The following STX17 variants were observed in gnomAD, a reference collection of about 807,000 sequenced individuals.
STX17 encodes the protein syntaxin 17, also known as syntaxin-17.
In STX17, 29 loss-of-function variants were observed where a neutral mutation model predicts 35.9. That is an observed-to-expected ratio of 0.81 (90% CI 0.60 to 1.10). STX17 has a LOEUF of 1.10. Among genes scored for constraint, STX17 ranks in the 50% least tolerant of loss-of-function variants. The probability of loss-of-function intolerance (pLI) is 0.00; values close to 1 mark genes in which losing one functional copy is unlikely to be tolerated. For missense variants in STX17, 312 were observed against 352.3 expected (o/e 0.89, Z 0.92); for synonymous variants, 92 against 118.3 (o/e 0.78, Z 1.44).
At position 99,967,713 on chromosome 9, in the gene STX17, G is replaced by A. The variant is rs760885824; in HGVS notation, c.643G>A (p.Glu215Lys). The change falls in exon 7 of 8, where the codon GAA (glutamate) becomes AAA (lysine). Residue 215 changes from glutamate (E) to lysine (K), a missense_variant. By Grantham distance (56) the Glu-to-Lys change is moderately conservative. Transcript: ENST00000259400. ...TGTCAACAGTGCTGCTGTGAATGTT[G>A]AAGAGGGAACCAAAAACTTAGGGAA... is the stretch of plus-strand genomic sequence containing the variant. ...DHVNSAAVNV[E>K]EGTKNLGKAA... is the part of the protein sequence containing the mutation. The A allele has an allele frequency of 1.2e-6, 2 of 1,613,886 alleles. No homozygotes were observed. Among genetic ancestry groups the A allele is most frequent in the East Asian group, 2.2e-5 (1 of 44,856 alleles).
At chr9:99,952,215 C>T (rs748489933) in intron 4 of STX17, among the ~76,000 whole-genome samples, 29 of 152,088 alleles carry the variant, frequency 1.9e-4, no homozygotes, top group Non-Finnish European at 3.2e-4. Flanking sequence ...AAAAAGTGGG[C>T]GAAGAGCATG....
chr9:99,916,399 A>G (rs1198683665), intron 2 of STX17, among the ~76,000 whole-genome samples: 18 of 83,332 alleles, frequency 2.2e-4, no homozygotes, highest in Admixed American at 1.0e-3. Flanking sequence ...CCATTTATTT[A>G]TTTATTTATT....
intron 1 of STX17, among the ~76,000 whole-genome samples, chr9:99,910,772 GTATT>G (rs1203936822): frequency 2.0e-5 from 3 of 152,096 alleles, no homozygotes; most frequent in African/African-American, 4.8e-5. Flanking sequence ...CATGAATAAT[GTATT>G]CCTTCTATCT....
At chr9:99,909,118 A>C (rs1200034072) in intron 1 of STX17, among the ~76,000 whole-genome samples, 1 of 152,264 alleles carries the variant, frequency 6.6e-6, no homozygotes, top group Non-Finnish European at 1.5e-5. Context: ...ACATTTACTA[A>C]ATAGAGTACA....
chr9:99,937,214 G>A (rs1415437291), intron 3 of STX17, among the ~76,000 whole-genome samples: 3 of 152,020 alleles, frequency 2.0e-5, no homozygotes, highest in Non-Finnish European at 4.4e-5. Context: ...TGGGCACTTT[G>A]ATTATGATAG....
intron 3 of STX17, among the ~76,000 whole-genome samples, chr9:99,939,644 T>G (rs759646581): frequency 6.6e-6 from 1 of 152,216 alleles, no homozygotes; most frequent in Non-Finnish European, 1.5e-5. Flanking sequence ...CTCAGTCTTT[T>G]CCCAATCTGT....
rs1829395081 is a variant in STX17, at chr9:99,942,876, C to A, written c.190-8184C>A. 3.3e-5 allele frequency among the ~76,000 whole-genome samples: 5 copies of A among 152,044 alleles called. No individual in the cohort carries two copies. The South Asian group carries it at 1.0e-3, about 31-fold the overall frequency. On this transcript the variant is annotated intron_variant, in intron 3 of 7. Coordinates refer to ENST00000259400, the MANE Select transcript of STX17 (RefSeq NM_017919.3). ...TTTGGGTTGTTTCTGGGCTGTTTCA[C>A]TGTGTATTTGTCTTTTCTTGCACTA...
At chr9:99,911,105 G>A (rs1162616574) in intron 1 of STX17, among the ~76,000 whole-genome samples, 1 of 151,808 alleles carries the variant, frequency 6.6e-6, no homozygotes, top group African/African-American at 2.4e-5. Context: ...GTGAGATCTG[G>A]GTTCACCGCA....
intron 1 of STX17, among the ~76,000 whole-genome samples, chr9:99,909,387 G>A (rs947841079): frequency 4.6e-5 from 7 of 152,192 alleles, no homozygotes; most frequent in South Asian, 2.1e-4. Flanking sequence ...TAGAAGGGAC[G>A]TGTGAAGAAA....
intron 3 of STX17, among the ~76,000 whole-genome samples, chr9:99,934,712 G>C (rs1230922863): frequency 6.6e-6 from 1 of 152,094 alleles, no homozygotes; most frequent in Non-Finnish European, 1.5e-5. Context: ...GATACCAAAT[G>C]TTTTCTGCTG....
At chr9:99,968,378 C>T (rs1239915885) in intron 7 of STX17, 56 bp from the exon 8 acceptor site, 6 of 1,511,690 alleles carry the variant, frequency 4.0e-6, no homozygotes, top group Non-Finnish European at 4.4e-6. Context: ...ACGCACATCA[C>T]CACAGGCAGA....
chr9:99,964,526 A>G lies in STX17; in HGVS notation c.583-3127A>G, dbSNP rs572171333. Among the ~76,000 whole-genome samples, 4 of 152,322 alleles carry G rather than the reference A, an allele frequency of 2.6e-5. No individual in the cohort carries two copies. In the South Asian group the frequency reaches 8.3e-4, roughly 32 times the overall value. On this transcript the variant is annotated intron_variant, in intron 6 of 7. Transcript: ENST00000259400. ...ATTGTTAAAGGAATGCTGAGAACATATATGGGGTGCCAAACTATAAAATGG... is the reference window on the plus strand; with the variant it reads ...ATTGTTAAAGGAATGCTGAGAACATGTATGGGGTGCCAAACTATAAAATGG...
intron 1 of STX17, among the ~76,000 whole-genome samples, chr9:99,912,078 T>C (rs1828677226): frequency 6.6e-6 from 1 of 152,138 alleles, no homozygotes; most frequent in Admixed American, 6.5e-5. Flanking sequence ...AACAAAAAAT[T>C]AGCTGGGCGT....
chr9:99,938,943 G>A (rs1459772804), intron 3 of STX17, among the ~76,000 whole-genome samples: 1 of 152,118 alleles, frequency 6.6e-6, no homozygotes, highest in Admixed American at 6.5e-5. Context: ...TAGAGATTCT[G>A]ATTCAGTAGA....
chr9:99,968,795 G>A lies in STX17; in HGVS notation c.*122G>A. 3.5e-6 allele frequency: 5 copies of A among 1,430,244 alleles called. No homozygotes were observed. The highest frequency in any genetic ancestry group is 4.7e-6 in the Non-Finnish European group (5 of 1,058,714). 88.6% of individuals were successfully genotyped at this position (1,430,244 alleles called of 1,614,324 possible). On this transcript the variant is annotated 3_prime_UTR_variant, in exon 8 of 8. Coordinates refer to ENST00000259400, the MANE Select transcript of STX17 (RefSeq NM_017919.3). The stretch of plus-strand genomic sequence containing the variant: ...AGATAGTGGCTACTGATGTTCAAGT[G>A]GGATTGAAGTGTGATAAATGGATAT...
chr9:99,920,692 G>A (rs1828868577), intron 2 of STX17, among the ~76,000 whole-genome samples: 1 of 152,148 alleles, frequency 6.6e-6, no homozygotes, highest in Non-Finnish European at 1.5e-5. Flanking sequence ...GTGCTGTTTA[G>A]CAATGCTTGT....
chr9:99,952,993 A>G (rs1829634138), intron 4 of STX17, among the ~76,000 whole-genome samples: 1 of 152,148 alleles, frequency 6.6e-6, no homozygotes, highest in Non-Finnish European at 1.5e-5. Context: ...TAACCTGCAC[A>G]TTGTGCACAT....
intron 4 of STX17, among the ~76,000 whole-genome samples, chr9:99,953,484 G>A (rs1243187793): frequency 5.3e-5 from 8 of 152,042 alleles, no homozygotes; most frequent in Non-Finnish European, 1.2e-4. Flanking sequence ...TTGATAGTTT[G>A]TAATTACCGT....
chr9:99,922,825 C>T (rs943130391), intron 2 of STX17, among the ~76,000 whole-genome samples: 1 of 152,212 alleles, frequency 6.6e-6, no homozygotes, highest in Non-Finnish European at 1.5e-5. Context: ...TGCTCCATCT[C>T]CAAACCTGGA....
Sources: gnomAD v4.1 joint callset for allele counts (sites outside exome capture counted in the v4.1 genomes callset) on GRCh38, gnomAD v4.1.1 for gene constraint, MANE v1.5 for transcripts, NCBI Gene and HGNC (gene_info 2026-07-23, HGNC 2026-07-21) for gene names.